CXXC1: variants seen among roughly 807,000 people sequenced by gnomAD.
The protein encoded by CXXC1 is CXXC finger protein 1.
CXXC1 carries 21 observed loss-of-function variants against 83.6 expected under a neutral mutation model. That is an observed-to-expected ratio of 0.25 (90% CI 0.18 to 0.36). The LOEUF (loss-of-function observed/expected upper bound fraction) is 0.36, where lower values mean the gene tolerates loss of function less well. Among genes scored for constraint, CXXC1 ranks in the 10% least tolerant of loss-of-function variants. CXXC1 has a pLI of 1.00. For synonymous variants in CXXC1, 371 were observed against 337.5 expected (o/e 1.10, Z -1.09); for missense variants, 688 against 919.5 (o/e 0.75, Z 3.26).
In CXXC1 at chr18:50,282,616, G is replaced by A. The variant is rs1183145730; in HGVS notation, c.1948C>T (p.Leu650=). The part of the protein sequence containing the change: ...TIQHDPLTTD[L]RSSADR ...GCTCAGCGGTCGGCACTGGAGCGCAGGTCGGTAGTGAGGGGATCGTGCTGG... is the reference window on the plus strand; with the variant it reads ...GCTCAGCGGTCGGCACTGGAGCGCAAGTCGGTAGTGAGGGGATCGTGCTGG... Residue 650 remains leucine (L), a synonymous_variant, in exon 15 of 15, where the codon CTG becomes TTG. Transcript: ENST00000285106. This position sits in a 1 kb window ranked among gnomAD's most constrained non-coding sequence, Gnocchi z 5.8. 1 of 1,611,010 alleles carries A rather than the reference G, an allele frequency of 6.2e-7. No homozygotes were observed. Among genetic ancestry groups the A allele is most frequent in the Non-Finnish European group, 8.5e-7 (1 of 1,180,012 alleles).
chr18:50,284,013 G>C lies in CXXC1; in HGVS notation c.1294C>G (p.Arg432Gly), dbSNP rs529677389. The change falls in exon 10 of 15, where the codon CGC (arginine) becomes GGC (glycine). Residue 432 changes from arginine (R) to glycine (G), a missense_variant. Arg to Gly is a moderately radical substitution (Grantham distance 125). Coordinates refer to ENST00000285106, the MANE Select transcript of CXXC1 (RefSeq NM_014593.4). Reference protein sequence around the residue: ...AEEHGKKLLERIRREQQSART... With the variant: ...AEEHGKKLLEGIRREQQSART... ...GCACTCTGCTGCTCTCGGCGAATGC[G>C]TTCGAGCAGCTTCTTGCCGTGCTCT... The C allele has an allele frequency of 6.2e-7, 1 of 1,612,828 alleles. No homozygotes were observed. The highest frequency in any genetic ancestry group is 1.1e-5 in the South Asian group (1 of 91,070).
At position 50,287,610 on chromosome 18, in the gene CXXC1, C is replaced by G. The variant is rs965110562; in HGVS notation, c.-21G>C. ...ACCATATCTCCGCTCCCGGCGCACT[C>G]CCTCACGACCCCCGCCAGCGACCCG... On this transcript the variant is annotated 5_prime_UTR_variant, in exon 1 of 15. Transcript: ENST00000285106. 1 of 1,610,350 alleles carries G rather than the reference C, an allele frequency of 6.2e-7. No homozygotes were observed. Among genetic ancestry groups the G allele is most frequent in the African/African-American group, 1.3e-5 (1 of 74,904 alleles).
Position 50,282,511 on chromosome 18 carries a change from G to C in CXXC1, c.*82C>G. ...GGGCACAGGGAGAACCGGAGAAACA[G>C]ATGAGTGGAGGAACGGACACACGGG... On this transcript the variant is annotated 3_prime_UTR_variant, in exon 15 of 15. Transcript: ENST00000285106. This position sits in a 1 kb window ranked among gnomAD's most constrained non-coding sequence, Gnocchi z 5.8. 6.5e-7 allele frequency: 1 copy of C among 1,536,170 alleles called. No homozygotes were observed. Among genetic ancestry groups the C allele is most frequent in the South Asian group, 1.1e-5 (1 of 87,810 alleles).
Position 50,282,636 on chromosome 18 carries a change from T to C in CXXC1, c.1928A>G (p.His643Arg). The change falls in exon 15 of 15, where the codon CAC (histidine) becomes CGC (arginine). Residue 643 changes from histidine to arginine, a missense_variant. By Grantham distance (29) the His-to-Arg change is conservative (BLOSUM62 0). Transcript: ENST00000285106. The surrounding 1 kb of genome is among the most constrained non-coding windows in gnomAD (Gnocchi z 5.8). ...LALMLHQTIQ[H>R]DPLTTDLRSS... is the part of the protein sequence containing the mutation. ...GCGCAGGTCGGTAGTGAGGGGATCG[T>C]GCTGGATCGTCTGGTGCAGCATCAG... 1 of 1,612,416 alleles carries C rather than the reference T, an allele frequency of 6.2e-7. No homozygotes were observed. Among genetic ancestry groups the C allele is most frequent in the Non-Finnish European group, 8.5e-7 (1 of 1,180,004 alleles).
rs371955948 is a variant in CXXC1, at chr18:50,285,280, C to T, written c.667-33G>A. The T allele has an allele frequency of 7.2e-5, 116 of 1,611,740 alleles. No individual in the cohort carries two copies. The South Asian group carries it at 1.1e-3, about 15-fold the overall frequency. Reference sequence around the variant, plus strand: ...GCAGAATCTCAGGACTGGCCCTGACCGCCCTGCCCGCATGCCCCACCCCAC... The same window carrying T: ...GCAGAATCTCAGGACTGGCCCTGACTGCCCTGCCCGCATGCCCCACCCCAC... On this transcript the variant is annotated intron_variant, in intron 6 of 14. Coordinates refer to ENST00000285106, the MANE Select transcript of CXXC1 (RefSeq NM_014593.4). This position sits in a 1 kb window ranked among gnomAD's most constrained non-coding sequence, Gnocchi z 4.4.
rs2040693693 is a variant in CXXC1, at chr18:50,285,180, GGCT to G, written c.731_733del (p.Gln244del). Reference sequence around the variant, plus strand: ...GCGCCCTAACTTCTGTGATGGCTGTGGCTGCTGTTGGGTGGGCAGTGGCCGGCG... The same window carrying G: ...GCGCCCTAACTTCTGTGATGGCTGTGGCTGTTGGGTGGGCAGTGGCCGGCG... On this transcript the variant is annotated inframe_deletion, in exon 7 of 15. Transcript: ENST00000285106. This position sits in a 1 kb window ranked among gnomAD's most constrained non-coding sequence, Gnocchi z 4.4. 6.2e-7 allele frequency: 1 copy of G among 1,614,136 alleles called. No individual in the cohort carries two copies. The highest frequency in any genetic ancestry group is 1.3e-5 in the African/African-American group (1 of 74,948).
Position 50,285,465 on chromosome 18 carries a change from C to T in CXXC1, c.640-114G>A. The T allele has an allele frequency of 7.7e-7, 1 of 1,297,780 alleles. No homozygotes were observed. The highest frequency in any genetic ancestry group is 1.1e-6 in the Non-Finnish European group (1 of 952,064). The allele number at this position is 1,297,780 out of a possible 1,614,324, so 80.4% of individuals were successfully genotyped here. A position where few individuals can be genotyped will look rare whatever the true frequency, so the allele number is the denominator to read the frequency against. The stretch of plus-strand genomic sequence containing the variant: ...TCCCCAGACACACCTCCCCGCTACC[C>T]CTCATTGCCAGGAATGCTCAGCCCT... On this transcript the variant is annotated intron_variant, in intron 5 of 14. Transcript: ENST00000285106. The surrounding 1 kb of genome is among the most constrained non-coding windows in gnomAD (Gnocchi z 4.4).
chr18:50,283,396 GGGAA>G (rs1568302605), intron 12 of CXXC1, 35 bp from the exon 13 acceptor site: 2 of 1,601,380 alleles, frequency 1.2e-6, no homozygotes, highest in Admixed American at 3.3e-5. Context: ...AGTAGAGGGA[GGGAA>G]GGGAGGTCCA....
At position 50,282,587 on chromosome 18, in the gene CXXC1, G is replaced by C. The variant is rs529509981; in HGVS notation, c.*6C>G. On this transcript the variant is annotated 3_prime_UTR_variant, in exon 15 of 15. Transcript: ENST00000285106. This position sits in a 1 kb window ranked among gnomAD's most constrained non-coding sequence, Gnocchi z 5.8. ...TGCAGGGTGTAAGGGGTCCGGGCCA[G>C]GAGGCTCAGCGGTCGGCACTGGAGC... is the stretch of plus-strand genomic sequence containing the variant. The C allele has an allele frequency of 1.2e-6, 2 of 1,607,236 alleles. No individual in the cohort carries two copies. The highest frequency in any genetic ancestry group is 2.2e-5 in the South Asian group (2 of 91,066).
chr18:50,285,016 C>A lies in CXXC1; in HGVS notation c.898G>T (p.Asp300Tyr), dbSNP rs773352328. Residue 300 changes from aspartate to tyrosine, a missense_variant, in exon 7 of 15, where the codon GAT becomes TAT. Around this residue, in one of 9 missense-constraint regions of CXXC1, gnomAD observed 190 missense variants for 199.7 expected, o/e 0.95. Coordinates refer to ENST00000285106, the MANE Select transcript of CXXC1 (RefSeq NM_014593.4). This position sits in a 1 kb window ranked among gnomAD's most constrained non-coding sequence, Gnocchi z 4.4. ...TGTCTGCTCACCAGGCCATGGTCATCAAAGGCCCCTGCACAGAAGTCCTGA... is the reference window on the plus strand; with the variant it reads ...TGTCTGCTCACCAGGCCATGGTCATAAAAGGCCCCTGCACAGAAGTCCTGA... ...LYQDFCAGAF[D>Y]DHGLPWMSDT... 1 of 1,614,246 alleles carries A rather than the reference C, an allele frequency of 6.2e-7. No individual in the cohort carries two copies. Among genetic ancestry groups the A allele is most frequent in the Admixed American group, 1.7e-5 (1 of 60,034 alleles).
intron 2 of CXXC1, 21 bp downstream of exon 2, chr18:50,286,719 G>A (rs372217274): frequency 1.2e-4 from 186 of 1,609,108 alleles, no homozygotes; most frequent in South Asian, 7.6e-4. Context: ...TGTCAGCCCC[G>A]CCCATCTCTC....
intron 1 of CXXC1, chr18:50,287,118 A>C: frequency 3.8e-6 from 2 of 521,310 alleles, no homozygotes; most frequent in Non-Finnish European, 6.9e-6. Context: ...GGTCATGGCG[A>C]CCCTCCATCG....
intron 13 of CXXC1, 87 bp from the exon 14 acceptor site, chr18:50,283,093 G>A: frequency 6.8e-7 from 1 of 1,478,698 alleles, no homozygotes; most frequent in Non-Finnish European, 9.4e-7. Flanking sequence ...GAAAAGAATG[G>A]AGGGTTCAGG....
chr18:50,286,660 G>T, intron 2 of CXXC1, 21 bp from the exon 3 acceptor site: 1 of 1,612,654 alleles, frequency 6.2e-7, no homozygotes, highest in South Asian at 1.1e-5. Flanking sequence ...TGGGGCAGGC[G>T]ATGGAGATGT....
In CXXC1 at chr18:50,282,796, G is replaced by T; in HGVS notation, c.1825-57C>A. 1 of 1,611,774 alleles carries T rather than the reference G, an allele frequency of 6.2e-7. No homozygotes were observed. The highest frequency in any genetic ancestry group is 8.5e-7 in the Non-Finnish European group (1 of 1,178,192). ...GAACACCTGCAGCCCCGCCTGCCCC[G>T]GCCACGTCCGACATGGAAACCTACC... On this transcript the variant is annotated intron_variant, in intron 14 of 14. Transcript: ENST00000285106. The surrounding 1 kb of genome is among the most constrained non-coding windows in gnomAD (Gnocchi z 5.8).
chr18:50,283,504 C>G lies in CXXC1; in HGVS notation c.1574+11G>C. 6.2e-7 allele frequency: 1 copy of G among 1,613,824 alleles called. No individual in the cohort carries two copies. ...ACCCCCCACCTCTCACTGCGTGGCA[C>G]CCTCACTTACCCTTCAATGCGTGTG... On this transcript the variant is annotated intron_variant, in intron 12 of 14. Transcript: ENST00000285106.
In CXXC1 at chr18:50,284,565, G is replaced by A. The variant is rs188200282; in HGVS notation, c.1021-3C>T. 447 of 1,583,570 alleles carry A rather than the reference G, an allele frequency of 2.8e-4. 1 individual carries two copies. The highest frequency in any genetic ancestry group is 3.5e-4 in the Non-Finnish European group (411 of 1,162,904). ...TGCCGCTTGTATCGCTCCTCCTTCT[G>A]TTGAGCAAGACAAGTCAGGTCAGGG... On this transcript the variant is annotated splice_polypyrimidine_tract_variant and splice_region_variant and intron_variant, in intron 8 of 14. Transcript: ENST00000285106.
Position 50,286,262 on chromosome 18 carries a change from G to A in CXXC1, c.224-5C>T. On this transcript the variant is annotated splice_region_variant and splice_polypyrimidine_tract_variant and intron_variant, in intron 3 of 14. Coordinates refer to ENST00000285106, the MANE Select transcript of CXXC1 (RefSeq NM_014593.4). ...TCTCTAGCTTGGGGTCTTTCTCTGT[G>A]GGGCAGAGAGTAGGGCCAAAGTGAG... 2 of 1,595,602 alleles carry A rather than the reference G, an allele frequency of 1.3e-6. No homozygotes were observed. Among genetic ancestry groups the A allele is most frequent in the South Asian group, 1.1e-5 (1 of 89,950 alleles).
At chr18:50,287,116 C>A (rs1202086463) in intron 1 of CXXC1, 7 of 541,782 alleles carry the variant, frequency 1.3e-5, no homozygotes, top group African/African-American at 1.9e-5. Flanking sequence ...TGGGTCATGG[C>A]GACCCTCCAT....
Sources: allele counts gnomAD v4.1 joint callset, GRCh38; gene constraint gnomAD v4.1.1; regional missense constraint gnomAD v4.1.1; non-coding constraint Gnocchi (gnomAD v3.1); transcripts MANE v1.5; gene names NCBI Gene and HGNC (gene_info 2026-07-23, HGNC 2026-07-21).